Variants in SLC35F5 observed in about 807,000 individuals in gnomAD.
The protein encoded by SLC35F5 is solute carrier family 35 member F5.
Under a neutral mutation model 68.6 loss-of-function variants are expected in SLC35F5, and 54 were observed. The ratio of observed to expected loss-of-function variants is 0.79; its 90% confidence interval spans 0.63 to 0.99. SLC35F5 has a LOEUF of 0.99. Ranked by LOEUF, SLC35F5 falls within the 50% of genes least tolerant of loss-of-function variation. SLC35F5 has a pLI of 0.00. For missense variants in SLC35F5, 567 were observed against 626.9 expected, an observed-to-expected ratio of 0.90 and a Z score of 1.02; for synonymous variants, 211 against 205.2, an observed-to-expected ratio of 1.03 and a Z score of -0.24.
chr2:113,727,165 CTT>C (rs1000150155), intron 11 of SLC35F5, among the ~76,000 whole-genome samples: 1 of 152,188 alleles, frequency 6.6e-6, no homozygotes, highest in Non-Finnish European at 1.5e-5. Context: ...TTCTCTCTCT[CTT>C]GCCAGTGTGT....
chr2:113,751,575 C>T (rs1054404758), intron 3 of SLC35F5, among the ~76,000 whole-genome samples: 4 of 151,958 alleles, frequency 2.6e-5, no homozygotes, highest in Admixed American at 6.6e-5. Flanking sequence ...TTTGGGAGGC[C>T]GAGGCGGGTG....
rs770568329 is a variant in SLC35F5, at chr2:113,746,267, A to C, written c.480+10T>G. 1.3e-5 allele frequency: 21 copies of C among 1,610,688 alleles called. 1 individual carries two copies. In the South Asian group the frequency reaches 1.6e-4, roughly 13 times the overall value. On this transcript the variant is annotated intron_variant, in intron 5 of 15. Transcript: ENST00000245680. ...ACCTCTCTATTCCTGACAAGAAAAGAAGCACTTACCAAAGAACTATTCATA... is the reference window on the plus strand; with the variant it reads ...ACCTCTCTATTCCTGACAAGAAAAGCAGCACTTACCAAAGAACTATTCATA...
At chr2:113,745,533 A>G (rs1231380646) in intron 5 of SLC35F5, among the ~76,000 whole-genome samples, 1 of 152,188 alleles carries the variant, frequency 6.6e-6, no homozygotes. Context: ...AGTAAAAATA[A>G]AAAGTTAGTG....
chr2:113,747,799 T>C (rs1190689112), intron 4 of SLC35F5, among the ~76,000 whole-genome samples: 1 of 152,098 alleles, frequency 6.6e-6, no homozygotes, highest in East Asian at 1.9e-4. Flanking sequence ...GCTTTAAAAA[T>C]GACATTATTT....
At chr2:113,755,702 G>C (rs553028648) in intron 1 of SLC35F5, among the ~76,000 whole-genome samples, 158 bp from the exon 2 acceptor site, 1 of 151,412 alleles carries the variant, frequency 6.6e-6, no homozygotes, top group Non-Finnish European at 1.5e-5. Context: ...TACTTTCATG[G>C]TATCCACTGC....
intron 13 of SLC35F5, 120 bp downstream of exon 13, chr2:113,722,984 G>T: frequency 5.3e-6 from 3 of 566,332 alleles, no homozygotes; most frequent in East Asian, 3.2e-5. Context: ...CACCTTGGGA[G>T]AGAAAGCATC....
chr2:113,706,523 T>A (rs1404331529), downstream of SLC35F5, among the ~76,000 whole-genome samples: 1 of 152,160 alleles, frequency 6.6e-6, no homozygotes, highest in Non-Finnish European at 1.5e-5. Context: ...GGAATGTAGG[T>A]CTCTTATTCA....
intron 7 of SLC35F5, among the ~76,000 whole-genome samples, chr2:113,741,196 TA>T: frequency 6.6e-6 from 1 of 152,106 alleles, no homozygotes; most frequent in East Asian, 1.9e-4. Context: ...ACAAATGCTG[TA>T]TGATTCCACT....
rs1452966675 is a variant in SLC35F5, at chr2:113,710,790, A to C, written c.*4428T>G. On this transcript the variant is annotated 3_prime_UTR_variant, in exon 16 of 16. Coordinates refer to ENST00000245680, the MANE Select transcript of SLC35F5 (RefSeq NM_025181.5). ...ATCTCAAAAAAAAAAAAAGAATTTC[A>C]TCTCATGTCAAAAATAAGACTCTTG... Among the ~76,000 whole-genome samples, 3 of 151,746 alleles carry C rather than the reference A, an allele frequency of 2.0e-5. No homozygotes were observed. The highest frequency in any genetic ancestry group is 7.3e-5 in the African/African-American group (3 of 41,356).
At chr2:113,704,729 A>G (rs984320828), downstream of SLC35F5, among the ~76,000 whole-genome samples, 2 of 151,804 alleles carry the variant, frequency 1.3e-5, no homozygotes, top group Non-Finnish European at 2.9e-5. Flanking sequence ...ACACCCACCC[A>G]GAACTCGCGC....
intron 11 of SLC35F5, among the ~76,000 whole-genome samples, chr2:113,726,633 C>A (rs907109737): frequency 1.4e-4 from 21 of 152,130 alleles, no homozygotes; most frequent in African/African-American, 4.8e-4. Context: ...TCACAGCCAC[C>A]CCACTTCTGT....
chr2:113,704,273 G>A (rs1209395280), downstream of SLC35F5, among the ~76,000 whole-genome samples: 2 of 152,204 alleles, frequency 1.3e-5, no homozygotes, highest in Non-Finnish European at 2.9e-5. Context: ...TGTTTTGACA[G>A]GGCGCTGATT....
chr2:113,735,961 T>G (rs1688078143), intron 7 of SLC35F5, 103 bp from the exon 8 acceptor site: 1 of 665,352 alleles, frequency 1.5e-6, no homozygotes, highest in Non-Finnish European at 2.6e-6. Context: ...AATACCGTTC[T>G]CACAAGATGT....
intron 11 of SLC35F5, among the ~76,000 whole-genome samples, chr2:113,728,095 G>C (rs887196179): frequency 2.6e-5 from 4 of 152,088 alleles, no homozygotes; most frequent in Non-Finnish European, 4.4e-5. Flanking sequence ...GGACTCAAGT[G>C]ATTCTCCTGC....
In SLC35F5 at chr2:113,742,368, G is replaced by A. The variant is rs576350607; in HGVS notation, c.750+324C>T. On this transcript the variant is annotated intron_variant, in intron 7 of 15. Transcript: ENST00000245680. Reference sequence around the variant, plus strand: ...AGCCTTTGTATATACATATATCACAGTGTAAAATAACTCTATTCATAATTT... The same window carrying A: ...AGCCTTTGTATATACATATATCACAATGTAAAATAACTCTATTCATAATTT... 8.0e-4 allele frequency: 328 copies of A among 408,266 alleles called. 3 individuals carry two copies. The highest frequency in any genetic ancestry group is 1.9e-3 in the Admixed American group (49 of 25,172). 25.3% of individuals were successfully genotyped at this position (408,266 alleles called of 1,614,324 possible).
chr2:113,732,358 T>C (rs1574238522), intron 9 of SLC35F5, among the ~76,000 whole-genome samples: 1 of 152,150 alleles, frequency 6.6e-6, no homozygotes, highest in African/African-American at 2.4e-5. Flanking sequence ...AGGGAACTCT[T>C]TGCATTGTCT....
chr2:113,741,656 G>A (rs183043119), intron 7 of SLC35F5, among the ~76,000 whole-genome samples: 1,776 of 150,024 alleles, frequency 0.012, 22 homozygotes, highest in Non-Finnish European at 0.014. Context: ...AGCTGAGATC[G>A]CGCCATTGCA....
chr2:113,714,698 T>C lies in SLC35F5; in HGVS notation c.*520A>G, dbSNP rs980309963. 2 of 152,172 alleles carry C rather than the reference T, an allele frequency of 1.3e-5. No homozygotes were observed. The highest frequency in any genetic ancestry group is 4.8e-5 in the African/African-American group (2 of 41,454). 9.4% of individuals were successfully genotyped at this position (152,172 alleles called of 1,614,324 possible). ...CATGAAATTTGCACAAACATGCTTG[T>C]TGCATAAATTAAACATTTTTTGTGT... is the stretch of plus-strand genomic sequence containing the variant. On this transcript the variant is annotated 3_prime_UTR_variant, in exon 16 of 16. Transcript: ENST00000245680.
chr2:113,753,168 CTTTTTTTTTTTTT>C (rs1173478465), intron 3 of SLC35F5, among the ~76,000 whole-genome samples: 8 of 49,074 alleles, frequency 1.6e-4, no homozygotes, highest in South Asian at 1.5e-3. Context: ...GTTTGTTTTT[CTTTTTTTTTTTTT>C]TTTTTTTTTT....
Sources: gnomAD v4.1 joint callset for allele counts (sites outside exome capture counted in the v4.1 genomes callset) on GRCh38, gnomAD v4.1.1 for gene constraint, MANE v1.5 for transcripts, NCBI Gene and HGNC (gene_info 2026-07-23, HGNC 2026-07-21) for gene names.